Variants in TMPO observed in about 807,000 individuals in gnomAD.
TMPO encodes the protein thymopoietin, also known as LEM domain containing 4.
In TMPO, 22 loss-of-function variants were observed where a neutral mutation model predicts 45.4. The observed-to-expected ratio is 0.48, with a 90% CI of 0.35 to 0.69. TMPO has a LOEUF of 0.69. Ranked by LOEUF, TMPO falls within the 30% of genes least tolerant of loss-of-function variation. The probability of loss-of-function intolerance (pLI) is 0.01; values close to 1 mark genes in which losing one functional copy is unlikely to be tolerated. For synonymous variants in TMPO, 241 were observed against 204.1 expected (o/e 1.18, Z -1.54); for missense variants, 512 against 548.8 (o/e 0.93, Z 0.67).
chr12:98,549,359 A>C lies in TMPO; in HGVS notation c.*1501A>C, dbSNP rs934398077. The C allele has an allele frequency of 2.0e-5, 3 of 151,418 alleles. No homozygotes were observed. Among genetic ancestry groups the C allele is most frequent in the Admixed American group, 6.6e-5 (1 of 15,148 alleles). The allele number at this position is 151,418 out of a possible 1,614,324, so 9.4% of individuals were successfully genotyped here. On this transcript the variant is annotated 3_prime_UTR_variant, in exon 9 of 9. Coordinates refer to ENST00000556029, the MANE Select transcript of TMPO (RefSeq NM_001032283.3). The stretch of plus-strand genomic sequence containing the variant: ...CCTGCCTCGGCAGAGACGGGGTTTC[A>C]CCATGTTGGCCAGGCTGGTCTCGAA...
In TMPO at chr12:98,515,995, A is replaced by G. The variant is rs371427406; in HGVS notation, c.128A>G (p.Gln43Arg). ...RKDVYVQLYLQHLTARNRPPL... is the reference protein window; with the variant it reads ...RKDVYVQLYLRHLTARNRPPL... ...GACGTGTACGTCCAGCTCTACCTGCAGCACCTCACGGCTCGCAACCGGCCG... is the reference window on the plus strand; with the variant it reads ...GACGTGTACGTCCAGCTCTACCTGCGGCACCTCACGGCTCGCAACCGGCCG... Residue 43 changes from glutamine to arginine, a missense_variant, in exon 1 of 9, where the codon CAG (glutamine) becomes CGG (arginine). Transcript: ENST00000556029. 11 of 1,612,450 alleles carry G rather than the reference A, an allele frequency of 6.8e-6. No individual in the cohort carries two copies. The African/African-American group carries it at 8.0e-5, about 12-fold the overall frequency.
intron 6 of TMPO, 117 bp downstream of exon 6, chr12:98,544,654 A>G (rs1375365628): frequency 2.3e-6 from 2 of 861,514 alleles, no homozygotes; most frequent in African/African-American, 3.5e-5. Context: ...TTTTTTTAAC[A>G]ATTTTAAACT....
chr12:98,533,751 T>G (rs1365491286), intron 3 of TMPO: 1 of 1,614,190 alleles, frequency 6.2e-7, no homozygotes, highest in Admixed American at 1.7e-5. Flanking sequence ...ATGAATCTAT[T>G]TTAAAAGTAA....
chr12:98,516,288 C>G, intron 1 of TMPO, 142 bp downstream of exon 1: 2 of 1,241,938 alleles, frequency 1.6e-6, no homozygotes, highest in Non-Finnish European at 2.0e-6. Flanking sequence ...TCGCGTCGCC[C>G]CTTCCCCGCG....
intron 8 of TMPO, 118 bp downstream of exon 8, chr12:98,546,565 G>A: frequency 1.3e-6 from 1 of 775,034 alleles, no homozygotes; most frequent in South Asian, 1.4e-5. Flanking sequence ...TTTGGAGCCA[G>A]GTACAATGGT....
At position 98,534,007 on chromosome 12, in the gene TMPO, A is replaced by G. The variant is rs768195224; in HGVS notation, c.565+2169A>G. On this transcript the variant is annotated intron_variant, in intron 3 of 8. Coordinates refer to ENST00000556029, the MANE Select transcript of TMPO (RefSeq NM_001032283.3). The stretch of plus-strand genomic sequence containing the variant: ...TGCAGCATCAGCATTGCAGATTGCA[A>G]CTCACACTGCCTTTGTAGCTAAGGC... The G allele has an allele frequency of 6.8e-6, 11 of 1,607,584 alleles. No individual in the cohort carries two copies. The highest frequency in any genetic ancestry group is 5.0e-5 in the Admixed American group (3 of 59,672).
intron 1 of TMPO, 138 bp downstream of exon 1, chr12:98,516,284 C>G (rs1875808603): frequency 8.0e-7 from 1 of 1,242,464 alleles, no homozygotes; most frequent in Non-Finnish European, 1.0e-6. Context: ...CCCCTCGCGT[C>G]GCCCCTTCCC....
chr12:98,533,377 G>C, intron 3 of TMPO: 1 of 1,614,194 alleles, frequency 6.2e-7, no homozygotes, highest in South Asian at 1.1e-5. Flanking sequence ...TCCGCCACTT[G>C]CCCAGGCAAT....
At chr12:98,519,421 A>G (rs77303686) in intron 1 of TMPO, among the ~76,000 whole-genome samples, 1 of 152,214 alleles carries the variant, frequency 6.6e-6, no homozygotes, top group Non-Finnish European at 1.5e-5. Flanking sequence ...CTGGTCTGGA[A>G]CACCTGACCT....
At chr12:98,516,872 A>C (rs1258239728) in intron 1 of TMPO, among the ~76,000 whole-genome samples, 3 of 152,050 alleles carry the variant, frequency 2.0e-5, no homozygotes, top group Admixed American at 1.3e-4. Flanking sequence ...TGCAATGGCG[A>C]GATCTCGGCT....
chr12:98,517,018 T>C (rs566245903), intron 1 of TMPO, among the ~76,000 whole-genome samples: 2 of 151,982 alleles, frequency 1.3e-5, no homozygotes, highest in Non-Finnish European at 2.9e-5. Context: ...TCCAAGTTGG[T>C]CAGGCTGGTC....
At chr12:98,527,257 G>A (rs11109516) in intron 1 of TMPO, among the ~76,000 whole-genome samples, 32,228 of 149,158 alleles carry the variant, frequency 0.22, 4,498 homozygotes, top group Non-Finnish European at 0.31. Flanking sequence ...TAACACTTTG[G>A]GAGGCCAAGG....
At chr12:98,539,974 A>G (rs978726152) in intron 4 of TMPO, among the ~76,000 whole-genome samples, 6 of 152,200 alleles carry the variant, frequency 3.9e-5, no homozygotes, top group African/African-American at 1.4e-4. Flanking sequence ...AAATTTCTCT[A>G]GTTTCAGAAA....
In TMPO at chr12:98,532,886, G is replaced by C; in HGVS notation, c.565+1048G>C. ...GATATTGTTCCTTTTTCTGAACTTG[G>C]AACTACTCCCTCTGGTGGTGGATTT... On this transcript the variant is annotated intron_variant, in intron 3 of 8. Transcript: ENST00000556029. 2.5e-6 allele frequency: 4 copies of C among 1,614,050 alleles called. No individual in the cohort carries two copies. Among genetic ancestry groups the C allele is most frequent in the Non-Finnish European group, 3.4e-6 (4 of 1,179,982 alleles).
chr12:98,527,660 CAAT>C (rs1876880009), intron 1 of TMPO: 2 of 494,614 alleles, frequency 4.0e-6, no homozygotes, highest in Non-Finnish European at 3.6e-6. Context: ...ATTTTAACAA[CAAT>C]GTCTTTAAGT....
chr12:98,536,973 C>T (rs1877611195), intron 3 of TMPO, among the ~76,000 whole-genome samples: 1 of 152,100 alleles, frequency 6.6e-6, no homozygotes, highest in African/African-American at 2.4e-5. Flanking sequence ...AATGTTATGG[C>T]AGTTACTTAT....
rs972932296 is a variant in TMPO, at chr12:98,533,674, G to C, written c.565+1836G>C. 1 of 1,614,132 alleles carries C rather than the reference G, an allele frequency of 6.2e-7. No individual in the cohort carries two copies. Among genetic ancestry groups the C allele is most frequent in the Non-Finnish European group, 8.5e-7 (1 of 1,180,018 alleles). On this transcript the variant is annotated intron_variant, in intron 3 of 8. Coordinates refer to ENST00000556029, the MANE Select transcript of TMPO (RefSeq NM_001032283.3). ...TGTCTCTCATTCACTCACTACCTTAGGTCTAGAAGTGGCTAAGCAATCACA... is the reference window on the plus strand; with the variant it reads ...TGTCTCTCATTCACTCACTACCTTACGTCTAGAAGTGGCTAAGCAATCACA...
intron 3 of TMPO, chr12:98,535,683 T>C: frequency 1.0e-6 from 1 of 985,154 alleles, no homozygotes; most frequent in South Asian, 4.7e-5. Context: ...ATTCTTGGAG[T>C]TGCAACAAGT....
chr12:98,544,959 T>C lies in TMPO; in HGVS notation c.888T>C (p.Asn296=). ...MASSNESLVV[N]RVTGNFKHAS... ...AATTTGAATCTTGGCAGGTTGTCAA[T>C]AGGGTGACTGGAAATTTCAAGCATG... Residue 296 remains asparagine (N), a synonymous_variant, in exon 7 of 9, where the codon AAT becomes AAC. Coordinates refer to ENST00000556029, the MANE Select transcript of TMPO (RefSeq NM_001032283.3). 3.1e-6 allele frequency: 5 copies of C among 1,612,046 alleles called. No homozygotes were observed. The highest frequency in any genetic ancestry group is 3.4e-6 in the Non-Finnish European group (4 of 1,179,072).
Sources: gnomAD v4.1 joint callset for allele counts (sites outside exome capture counted in the v4.1 genomes callset) on GRCh38, gnomAD v4.1.1 for gene constraint, MANE v1.5 for transcripts, NCBI Gene and HGNC (gene_info 2026-07-23, HGNC 2026-07-21) for gene names.